Variants in XKR9 observed in about 807,000 individuals in gnomAD.
XKR9 encodes the protein XK-related protein 9.
In XKR9, 32 loss-of-function variants were observed where a neutral mutation model predicts 32.0. The ratio of observed to expected loss-of-function variants is 1.00; its 90% CI spans 0.76 to 1.34. XKR9 has a LOEUF of 1.34. Among genes scored for constraint, XKR9 ranks in the 40% most tolerant of loss-of-function variants. The pLI, the probability that XKR9 is intolerant of heterozygous loss-of-function variation, is 0.00. For missense variants in XKR9, 546 were observed against 429.7 expected (o/e 1.27, Z -2.39); for synonymous variants, 168 against 143.4 (o/e 1.17, Z -1.22).
At chr8:70,698,999 G>T (rs1028852435) in intron 3 of XKR9, among the ~76,000 whole-genome samples, 12 of 152,086 alleles carry the variant, frequency 7.9e-5, no homozygotes, top group Admixed American at 7.9e-4. Flanking sequence ...CAGAGACTAG[G>T]ATTGCAACCC....
At chr8:70,995,312 C>A in the XKR9 span, among the ~76,000 whole-genome samples, 1 of 152,132 alleles carries the variant, frequency 6.6e-6, no homozygotes, top group African/African-American at 2.4e-5. Flanking sequence ...ACTATGAATG[C>A]AAAAATCCTT....
the XKR9 span, among the ~76,000 whole-genome samples, chr8:70,804,233 G>T: frequency 5.3e-5 from 8 of 152,326 alleles, no homozygotes; most frequent in Non-Finnish European, 1.0e-4. Flanking sequence ...AAGTGGTGGG[G>T]GTAGGCGGGG....
At chr8:70,820,822 G>T in the XKR9 span, among the ~76,000 whole-genome samples, 1 of 152,146 alleles carries the variant, frequency 6.6e-6, no homozygotes, top group African/African-American at 2.4e-5. Context: ...ATGTCCACCT[G>T]ATCTCTTTCT....
chr8:70,903,536 T>G, the XKR9 span, among the ~76,000 whole-genome samples: 2 of 152,318 alleles, frequency 1.3e-5, no homozygotes, highest in African/African-American at 4.8e-5. Flanking sequence ...CTTTTCTTCT[T>G]TATTAGTCTT....
At chr8:70,980,041 C>T in the XKR9 span, among the ~76,000 whole-genome samples, 1 of 152,252 alleles carries the variant, frequency 6.6e-6, no homozygotes, top group Non-Finnish European at 1.5e-5. Context: ...GTGAGCAAGG[C>T]TCCATGTGTG....
At chr8:70,926,757 G>A in the XKR9 span, among the ~76,000 whole-genome samples, 1 of 152,270 alleles carries the variant, frequency 6.6e-6, no homozygotes, top group East Asian at 1.9e-4. Flanking sequence ...TGAAAATAGA[G>A]AGAAACAGCA....
chr8:70,862,028 T>C, the XKR9 span, among the ~76,000 whole-genome samples: 2 of 152,172 alleles, frequency 1.3e-5, no homozygotes, highest in Non-Finnish European at 2.9e-5. Flanking sequence ...CTTTTGCCTT[T>C]GTCCATATGA....
chr8:70,965,008 G>A, the XKR9 span, among the ~76,000 whole-genome samples: 2 of 152,134 alleles, frequency 1.3e-5, no homozygotes, highest in Admixed American at 1.3e-4. Flanking sequence ...GTGAGAGAGG[G>A]CATCCTTGTG....
At chr8:71,059,387 CG>C in the XKR9 span, among the ~76,000 whole-genome samples, 1 of 152,184 alleles carries the variant, frequency 6.6e-6, no homozygotes, top group Non-Finnish European at 1.5e-5. Flanking sequence ...CATAAACTCC[CG>C]AAGTTATGAG....
At chr8:70,915,313 T>C in the XKR9 span, among the ~76,000 whole-genome samples, 1 of 152,168 alleles carries the variant, frequency 6.6e-6, no homozygotes, top group Non-Finnish European at 1.5e-5. Context: ...GACTAGTTTG[T>C]TAGTTTTCCA....
the XKR9 span, among the ~76,000 whole-genome samples, chr8:70,891,087 A>G: frequency 1.3e-5 from 2 of 151,788 alleles, no homozygotes; most frequent in Admixed American, 1.3e-4. Flanking sequence ...GCATATAGTT[A>G]TCTGGAATAA....
the XKR9 span, among the ~76,000 whole-genome samples, chr8:70,946,647 G>A: frequency 6.6e-6 from 1 of 152,172 alleles, no homozygotes; most frequent in Non-Finnish European, 1.5e-5. Flanking sequence ...CTTATTACAG[G>A]ATTCTAGGAG....
intron 2 of XKR9, among the ~76,000 whole-genome samples, chr8:70,676,670 C>A (rs1450810855): frequency 6.6e-6 from 1 of 152,150 alleles, no homozygotes; most frequent in Non-Finnish European, 1.5e-5. Flanking sequence ...GTAACAGTTT[C>A]TGTTTCTTGG....
the XKR9 span, among the ~76,000 whole-genome samples, chr8:70,841,411 ATTAAT>A: frequency 6.6e-6 from 1 of 152,226 alleles, no homozygotes; most frequent in Non-Finnish European, 1.5e-5. Context: ...AGATTTAAAA[ATTAAT>A]TTATTTCACA....
intron 2 of XKR9, among the ~76,000 whole-genome samples, chr8:70,750,990 T>A (rs1807131846): frequency 6.6e-6 from 1 of 152,138 alleles, no homozygotes; most frequent in South Asian, 2.1e-4. Context: ...GTTGAACATG[T>A]GAATAGAGCA....
intron 4 of XKR9, among the ~76,000 whole-genome samples, chr8:70,708,363 A>G (rs540481010): frequency 3.7e-4 from 57 of 152,234 alleles, no homozygotes; most frequent in African/African-American, 1.2e-3. Flanking sequence ...TTTATATTCA[A>G]TCTTCATCTA....
intron 2 of XKR9, among the ~76,000 whole-genome samples, chr8:70,762,274 A>C (rs927701620): frequency 4.6e-5 from 7 of 152,196 alleles, no homozygotes; most frequent in Non-Finnish European, 8.8e-5. Context: ...ATCATTAAAC[A>C]ATCACTTTCC....
At chr8:70,872,292 A>G in the XKR9 span, among the ~76,000 whole-genome samples, 1 of 152,244 alleles carries the variant, frequency 6.6e-6, no homozygotes, top group Non-Finnish European at 1.5e-5. Flanking sequence ...GCCAAAGCCC[A>G]GCCCAGAGCA....
chr8:70,992,485 C>T, the XKR9 span, among the ~76,000 whole-genome samples: 3 of 152,056 alleles, frequency 2.0e-5, no homozygotes, highest in Non-Finnish European at 4.4e-5. Context: ...ATTGTGTTGG[C>T]CTCAGTGGAA....
Sources: allele counts gnomAD v4.1 joint callset (sites outside exome capture counted in the v4.1 genomes callset), GRCh38; gene constraint gnomAD v4.1.1; transcripts MANE v1.5; gene names NCBI Gene and HGNC (gene_info 2026-07-23, HGNC 2026-07-21).